MCTP1: variants seen among roughly 807,000 people sequenced by gnomAD.
MCTP1 encodes multiple C2 and transmembrane domain-containing protein 1.
In MCTP1, 69 loss-of-function variants were observed where a neutral mutation model predicts 120.6. The observed-to-expected ratio is 0.57, with a 90% confidence interval of 0.47 to 0.70. MCTP1 has a LOEUF of 0.70. MCTP1 is among the 30% of genes least tolerant of loss of function. The pLI is 0.00. For synonymous variants in MCTP1, 529 were observed against 493.1 expected (o/e 1.07, Z -0.96); for missense variants, 1,203 against 1,248.8 (o/e 0.96, Z 0.55).
intron 17 of MCTP1, among the ~76,000 whole-genome samples, chr5:94,844,667 C>T (rs185918592): frequency 2.6e-5 from 4 of 152,270 alleles, no homozygotes; most frequent in Non-Finnish European, 5.9e-5. Context: ...AACCCAGCAG[C>T]TCCCCAACTG....
rs185801392 is a variant in MCTP1 at position 95,139,833 on chromosome 5, G to A, written c.721-122349C>T. ...TATCTAGCCCACAGCCTGATGCATA[G>A]GGCTTAATAAATGGTTGAATAATAA... On this transcript the variant is annotated intron_variant, in intron 1 of 22. Transcript: ENST00000515393. 2.1e-3 allele frequency among the ~76,000 whole-genome samples: 317 copies of A among 152,234 alleles called. 3 individuals carry two copies. Among genetic ancestry groups the A allele is most frequent in the African/African-American group, 6.8e-3 (282 of 41,534 alleles).
chr5:95,260,017 C>T lies in MCTP1; in HGVS notation c.720+23839G>A, dbSNP rs182283605. Among the ~76,000 whole-genome samples the T allele has an allele frequency of 2.2e-3, 333 of 152,298 alleles. 4 individuals carry two copies. Among genetic ancestry groups the T allele is most frequent in the African/African-American group, 7.8e-3 (324 of 41,560 alleles). ...ATGTGTATATCCCTGATAATTCTCA[C>T]AATATCACTCTCCTTGAAAAGCCAT... On this transcript the variant is annotated intron_variant, in intron 1 of 22. Coordinates refer to ENST00000515393, the MANE Select transcript of MCTP1 (RefSeq NM_024717.7).
chr5:94,765,662 C>T (rs1265674133), intron 19 of MCTP1, among the ~76,000 whole-genome samples: 4 of 147,120 alleles, frequency 2.7e-5, no homozygotes, highest in Non-Finnish European at 4.5e-5. Flanking sequence ...GATCATACCA[C>T]TGCACTCCAG....
intron 2 of MCTP1, among the ~76,000 whole-genome samples, chr5:94,956,096 C>A (rs1822544145): frequency 6.6e-6 from 1 of 152,222 alleles, no homozygotes; most frequent in African/African-American, 2.4e-5. Context: ...TGCTGTTCTG[C>A]AGCCTCTGCT....
intron 1 of MCTP1, among the ~76,000 whole-genome samples, chr5:95,069,700 C>CT (rs35136173): frequency 0.8 from 110,468 of 138,228 alleles, 45,594 homozygotes; most frequent in Non-Finnish European, 0.91. Flanking sequence ...CCCTTCTGCC[C>CT]TTTTTTTTTT....
chr5:95,051,488 T>C (rs929320092), intron 1 of MCTP1, among the ~76,000 whole-genome samples: 3 of 152,168 alleles, frequency 2.0e-5, no homozygotes, highest in Non-Finnish European at 4.4e-5. Context: ...AACACTCTGC[T>C]GGCATTCCTT....
intron 1 of MCTP1, among the ~76,000 whole-genome samples, chr5:95,052,530 A>G (rs886696752): frequency 2.0e-5 from 3 of 152,194 alleles, no homozygotes; most frequent in Middle Eastern, 3.4e-3. Context: ...CCCTTTCTAC[A>G]TTTTTACAAG....
chr5:94,912,810 C>A lies in MCTP1; in HGVS notation c.1517G>T (p.Ser506Ile). The A allele has an allele frequency of 6.4e-7, 1 of 1,565,458 alleles. No homozygotes were observed. The highest frequency in any genetic ancestry group is 1.4e-5 in the African/African-American group (1 of 72,182). Residue 506 changes from serine to isoleucine, a missense_variant, in exon 9 of 23, where the codon AGC (serine) becomes ATC (isoleucine). Around this residue, in one of 2 missense-constraint regions of MCTP1, gnomAD observed 740 missense variants for 871.1 expected, o/e 0.85. Transcript: ENST00000515393. ...KFRLGHQKYK[S>I]KIMPKTLNPQ... ...ACACAATAGAGACAAGGTTACCTTG[C>A]TCTTGTACTTCTGATGCCCAAGCCG...
chr5:95,232,128 C>A (rs574591134), intron 1 of MCTP1, among the ~76,000 whole-genome samples: 16 of 137,606 alleles, frequency 1.2e-4, no homozygotes, highest in African/African-American at 4.1e-4. Context: ...GATAAAACCA[C>A]TGCCAGATAA....
chr5:94,984,267 A>T (rs551725607), intron 2 of MCTP1, among the ~76,000 whole-genome samples: 9 of 152,282 alleles, frequency 5.9e-5, no homozygotes, highest in African/African-American at 1.9e-4. Context: ...AGACATTTTT[A>T]AAAATATAGC....
chr5:95,249,398 T>C (rs139733975), intron 1 of MCTP1, among the ~76,000 whole-genome samples: 3,273 of 151,916 alleles, frequency 0.022, 72 homozygotes, highest in Middle Eastern at 0.051. Context: ...CCAAAAAACA[T>C]ATGAAAAAAT....
chr5:95,185,228 C>A (rs1749074336), intron 1 of MCTP1, among the ~76,000 whole-genome samples: 1 of 148,272 alleles, frequency 6.7e-6, no homozygotes, highest in African/African-American at 2.4e-5. Context: ...CAAAACCTAA[C>A]AAAGACAGTA....
intron 17 of MCTP1, chr5:94,826,453 C>A (rs1483600924): frequency 1.5e-6 from 1 of 681,484 alleles, no homozygotes; most frequent in Non-Finnish European, 2.7e-6. Flanking sequence ...TTCAGGAACA[C>A]AGAAGTGGCC....
chr5:95,248,479 T>C (rs1483261026), intron 1 of MCTP1, among the ~76,000 whole-genome samples: 1 of 152,182 alleles, frequency 6.6e-6, no homozygotes, highest in African/African-American at 2.4e-5. Context: ...GAAGGATCTC[T>C]TTAAGGAGAA....
chr5:94,974,376 T>C (rs1239915025), intron 2 of MCTP1, among the ~76,000 whole-genome samples: 1 of 151,882 alleles, frequency 6.6e-6, no homozygotes, highest in Non-Finnish European at 1.5e-5. Context: ...AGTAAAACCC[T>C]GTATCTACAA....
At chr5:95,135,503 G>A (rs1256823228) in intron 1 of MCTP1, among the ~76,000 whole-genome samples, 1 of 152,208 alleles carries the variant, frequency 6.6e-6, no homozygotes, top group East Asian at 1.9e-4. Context: ...TGCTGGCAAA[G>A]GAGATTAACA....
At chr5:94,764,506 G>C (rs981102247) in intron 19 of MCTP1, among the ~76,000 whole-genome samples, 3 of 151,938 alleles carry the variant, frequency 2.0e-5, no homozygotes. Context: ...CACCTATAAA[G>C]ACATATAGAC....
chr5:94,885,320 GAGAA>G lies in MCTP1; in HGVS notation c.1933+3555_1933+3558del, dbSNP rs908504312. 1.3e-4 allele frequency among the ~76,000 whole-genome samples: 20 copies of G among 150,778 alleles called. No individual in the cohort carries two copies. The South Asian group carries it at 2.5e-3, about 19-fold the overall frequency. ...AGCTCAGAAAAAAAAAAAAAACAGA[GAGAA>G]AGAGAGAGAGAACCCAGGGGAAAAT... On this transcript the variant is annotated intron_variant, in intron 12 of 22. Coordinates refer to ENST00000515393, the MANE Select transcript of MCTP1 (RefSeq NM_024717.7).
chr5:94,795,057 C>CT (rs1779715610), intron 18 of MCTP1, among the ~76,000 whole-genome samples: 2 of 152,166 alleles, frequency 1.3e-5, no homozygotes, highest in African/African-American at 4.8e-5. Flanking sequence ...GTTATTTAAT[C>CT]TTTCTGGCCC....
Sources: gnomAD v4.1 joint callset for allele counts (sites outside exome capture counted in the v4.1 genomes callset) on GRCh38, gnomAD v4.1.1 for gene constraint, gnomAD v4.1.1 regional missense constraint, MANE v1.5 for transcripts, NCBI Gene and HGNC (gene_info 2026-07-23, HGNC 2026-07-21) for gene names.